The following CLTCL1 variants were observed in gnomAD, a reference collection of about 807,000 sequenced individuals.
CLTCL1 encodes clathrin heavy chain 2.
A neutral mutation model predicts 190.0 loss-of-function variants in CLTCL1; 159 were observed. The ratio of observed to expected loss-of-function variants is 0.84; its 90% CI spans 0.74 to 0.95. The LOEUF is 0.95. Among genes scored for constraint, CLTCL1 ranks in the 40% least tolerant of loss-of-function variants. The probability of loss-of-function intolerance (pLI) is 0.00; values close to 1 mark genes in which losing one functional copy is unlikely to be tolerated. For synonymous variants in CLTCL1, 752 were observed against 769.6 expected (o/e 0.98, Z 0.38); for missense variants, 1,878 against 2,033.4 (o/e 0.92, Z 1.47).
At position 19,291,577 on chromosome 22, in the gene CLTCL1, C is replaced by T. The variant is rs1196877541; in HGVS notation, c.42+23G>A. 3 of 1,353,292 alleles carry T rather than the reference C, an allele frequency of 2.2e-6. No homozygotes were observed. In the South Asian group the frequency reaches 5.3e-5, roughly 24 times the overall value. The allele number at this position is 1,353,292 out of a possible 1,614,324, so 83.8% of individuals were successfully genotyped here. ...GGCGGAGGCGCGGCTGACAGGGCAGCCCCCCAGCCCGCCGGGCCTCACCTG... is the reference window on the plus strand; with the variant it reads ...GGCGGAGGCGCGGCTGACAGGGCAGTCCCCCAGCCCGCCGGGCCTCACCTG... On this transcript the variant is annotated intron_variant, in intron 1 of 32. Transcript: ENST00000427926.
intron 22 of CLTCL1, among the ~76,000 whole-genome samples, chr22:19,202,994 AC>A (rs2084944842): frequency 6.6e-6 from 1 of 152,154 alleles, no homozygotes; most frequent in Non-Finnish European, 1.5e-5. Flanking sequence ...AGCTTAAAGA[AC>A]CACTGTTCTT....
At chr22:19,256,803 A>G (rs2086777056) in intron 2 of CLTCL1, among the ~76,000 whole-genome samples, 1 of 152,142 alleles carries the variant, frequency 6.6e-6, no homozygotes, top group Admixed American at 6.6e-5. Context: ...CTGGCCCAGC[A>G]TCTTTTGTTT....
intron 3 of CLTCL1, among the ~76,000 whole-genome samples, chr22:19,253,631 T>A (rs1162893149): frequency 6.6e-6 from 1 of 152,042 alleles, no homozygotes. Flanking sequence ...GATTATTTGA[T>A]CCAAGTTCAG....
intron 4 of CLTCL1, among the ~76,000 whole-genome samples, chr22:19,240,117 G>A (rs929510978): frequency 4.6e-5 from 7 of 151,586 alleles, no homozygotes; most frequent in Admixed American, 3.3e-4. Context: ...CACCACACCC[G>A]GCTAAACTTT....
At chr22:19,191,211 T>C (rs2084491540) in intron 27 of CLTCL1, 93 bp downstream of exon 27, 5 of 1,503,924 alleles carry the variant, frequency 3.3e-6, no homozygotes, top group Middle Eastern at 1.8e-4. Context: ...CTGGGGGTCA[T>C]TTCAAAAACT....
chr22:19,213,256 T>C (rs2085288894), intron 19 of CLTCL1, among the ~76,000 whole-genome samples: 1 of 152,136 alleles, frequency 6.6e-6, no homozygotes, highest in South Asian at 2.1e-4. Context: ...GCAATGCAAA[T>C]TGAAACCACA....
At chr22:19,183,939 G>C (rs1601425105) in intron 29 of CLTCL1, 1 of 407,758 alleles carries the variant, frequency 2.5e-6, no homozygotes, top group East Asian at 5.0e-5. Flanking sequence ...TTGTGGGGCT[G>C]CTGCAGAGGT....
At chr22:19,276,692 C>G (rs1464807139) in intron 1 of CLTCL1, among the ~76,000 whole-genome samples, 2 of 152,072 alleles carry the variant, frequency 1.3e-5, no homozygotes, top group South Asian at 4.1e-4. Flanking sequence ...TTTTTTGAGC[C>G]GGAGTCTCGC....
At chr22:19,186,472 G>T (rs1601434605) in intron 29 of CLTCL1, among the ~76,000 whole-genome samples, 1 of 152,220 alleles carries the variant, frequency 6.6e-6, no homozygotes, top group East Asian at 1.9e-4. Context: ...CTCACCAGCA[G>T]AAAAAACACA....
rs563309737 is a variant in CLTCL1, at chr22:19,215,563, G to A, written c.3065+548C>T. 7.2e-4 allele frequency among the ~76,000 whole-genome samples: 109 copies of A among 152,136 alleles called. No individual in the cohort carries two copies. The Middle Eastern group carries it at 0.02, about 28-fold the overall frequency. On this transcript the variant is annotated intron_variant, in intron 19 of 32. Transcript: ENST00000427926. ...CACACACTCCCACCTCTATACTGCC[G>A]GTCCGTGTGGAAGCGTGCACTCTCA... is the stretch of plus-strand genomic sequence containing the variant.
intron 29 of CLTCL1, 125 bp downstream of exon 29, chr22:19,187,433 C>G: frequency 2.2e-6 from 2 of 924,654 alleles, no homozygotes; most frequent in East Asian, 2.5e-5. Context: ...CCACCCACCA[C>G]GAGGATCCCC....
intron 24 of CLTCL1, among the ~76,000 whole-genome samples, chr22:19,199,420 A>G (rs1237989059): frequency 6.6e-6 from 1 of 152,206 alleles, no homozygotes; most frequent in Non-Finnish European, 1.5e-5. Context: ...CAGTATTCTC[A>G]GCAACCCTCC....
At chr22:19,210,624 C>T (rs2085190532) in intron 19 of CLTCL1, 115 bp from the exon 20 acceptor site, 1 of 706,302 alleles carries the variant, frequency 1.4e-6, no homozygotes. Flanking sequence ...AATTAATATA[C>T]ACACACATAA....
At chr22:19,199,136 G>A (rs1443336145) in intron 24 of CLTCL1, among the ~76,000 whole-genome samples, 5 of 152,080 alleles carry the variant, frequency 3.3e-5, no homozygotes, top group Non-Finnish European at 4.4e-5. Context: ...TCCCATCTTC[G>A]TCTGCCTTGA....
chr22:19,224,094 CT>C, intron 13 of CLTCL1, 40 bp from the exon 14 acceptor site: 1 of 1,607,848 alleles, frequency 6.2e-7, no homozygotes, highest in Non-Finnish European at 8.5e-7. Context: ...CTTGTAACAC[CT>C]GCCTGTCTCC....
In CLTCL1 at chr22:19,191,443, G is replaced by A. The variant is rs1201831894; in HGVS notation, c.4192-8C>T. On this transcript the variant is annotated splice_region_variant and splice_polypyrimidine_tract_variant and intron_variant, in intron 26 of 32. Coordinates refer to ENST00000427926, the MANE Select transcript of CLTCL1 (RefSeq NM_007098.4). The stretch of plus-strand genomic sequence containing the variant: ...GAGCTCGACGTTGGCAACCTGTGGT[G>A]AGCAAAGCTGAGGGTCAGTCCCTGC... 3.1e-6 allele frequency: 5 copies of A among 1,612,436 alleles called. No individual in the cohort carries two copies. Among genetic ancestry groups the A allele is most frequent in the Non-Finnish European group, 4.2e-6 (5 of 1,179,830 alleles).
chr22:19,211,690 C>T (rs2085226288), intron 19 of CLTCL1, among the ~76,000 whole-genome samples: 1 of 150,982 alleles, frequency 6.6e-6, no homozygotes, highest in East Asian at 1.9e-4. Context: ...TGGCACGAAC[C>T]CAGGAGGCAG....
chr22:19,265,630 A>G (rs1485253318), intron 2 of CLTCL1, among the ~76,000 whole-genome samples: 1 of 152,168 alleles, frequency 6.6e-6, no homozygotes, highest in Non-Finnish European at 1.5e-5. Context: ...ACAGAAGTTA[A>G]TATTAATAAT....
chr22:19,243,031 A>C (rs2086304824), intron 3 of CLTCL1, 95 bp from the exon 4 acceptor site: 1 of 1,187,472 alleles, frequency 8.4e-7, no homozygotes, highest in African/African-American at 1.5e-5. Flanking sequence ...AGTCTCATAC[A>C]TTAGAGGTAT....
Sources: gnomAD v4.1 joint callset for allele counts (sites outside exome capture counted in the v4.1 genomes callset) on GRCh38, gnomAD v4.1.1 for gene constraint, MANE v1.5 for transcripts, NCBI Gene and HGNC (gene_info 2026-07-23, HGNC 2026-07-21) for gene names.